The following EEFSEC variants were observed in gnomAD, a reference collection of about 807,000 sequenced individuals.
EEFSEC encodes the protein selenocysteine-specific elongation factor.
EEFSEC carries 43 observed loss-of-function variants against 42.1 expected under a neutral mutation model. The observed-to-expected ratio is 1.02, with a 90% CI of 0.80 to 1.32. EEFSEC has a LOEUF of 1.32. Among genes scored for constraint, EEFSEC ranks in the 40% most tolerant of loss-of-function variants. The pLI, the probability that EEFSEC is intolerant of heterozygous loss-of-function variation, is 0.00. For missense variants in EEFSEC, 745 were observed against 803.6 expected (o/e 0.93, Z 0.88); for synonymous variants, 354 against 339.1 (o/e 1.04, Z -0.48).
At chr3:128,165,233 C>T (rs908864576) in intron 1 of EEFSEC, among the ~76,000 whole-genome samples, 3 of 152,204 alleles carry the variant, frequency 2.0e-5, no homozygotes, top group African/African-American at 7.2e-5. Context: ...GCAGGGCGCA[C>T]AAGTAGCCAG....
the EEFSEC span, among the ~76,000 whole-genome samples, chr3:128,417,194 T>G: frequency 6.6e-6 from 1 of 152,064 alleles, no homozygotes; most frequent in Non-Finnish European, 1.5e-5. This position sits in a 1 kb window ranked among gnomAD's most constrained non-coding sequence, Gnocchi z 4.3. Flanking sequence ...TTAAAACGTG[T>G]CAGGGCCCCT....
chr3:128,282,560 C>G (rs1362823844), intron 4 of EEFSEC, among the ~76,000 whole-genome samples: 3 of 152,214 alleles, frequency 2.0e-5, no homozygotes, highest in Non-Finnish European at 4.4e-5. Context: ...CATGTGCACA[C>G]GCGCACATGC....
chr3:128,188,926 A>T (rs150526969), intron 1 of EEFSEC, among the ~76,000 whole-genome samples: 25 of 152,324 alleles, frequency 1.6e-4, no homozygotes, highest in African/African-American at 5.0e-4. Context: ...AGGATGGTTC[A>T]GCATGGACTG....
Position 128,295,700 on chromosome 3 carries a change from G to T in EEFSEC, c.786+30919G>T, listed in dbSNP as rs1464340169. Among the ~76,000 whole-genome samples, 19 of 150,106 alleles carry T rather than the reference G, an allele frequency of 1.3e-4. 1 individual carries two copies. Among genetic ancestry groups the T allele is most frequent in the Non-Finnish European group, 3.0e-5 (2 of 67,746 alleles). ...TCACGTGGTTCCATGCCTGCTTCCT[G>T]CCAGAGTCCCAAGCAGGTGACCCAG... On this transcript the variant is annotated intron_variant, in intron 4 of 6. Coordinates refer to ENST00000254730, the MANE Select transcript of EEFSEC (RefSeq NM_021937.5).
chr3:128,387,129 G>A (rs2999033), intron 6 of EEFSEC, among the ~76,000 whole-genome samples: 17,408 of 152,140 alleles, frequency 0.11, 1,191 homozygotes, highest in South Asian at 0.21. Context: ...CACCCTCCTC[G>A]GCCCTGTGCT....
At chr3:128,268,000 C>T (rs778596056) in intron 4 of EEFSEC, among the ~76,000 whole-genome samples, 1 of 152,188 alleles carries the variant, frequency 6.6e-6, no homozygotes, top group Non-Finnish European at 1.5e-5. Flanking sequence ...GCTGATAGAA[C>T]AACTCAGCTA....
chr3:128,233,166 G>A (rs1265812330), intron 1 of EEFSEC, among the ~76,000 whole-genome samples: 3 of 152,104 alleles, frequency 2.0e-5, no homozygotes, highest in African/African-American at 4.8e-5. Context: ...ACCCCTTTTC[G>A]GCAGAGTGAG....
intron 1 of EEFSEC, among the ~76,000 whole-genome samples, chr3:128,236,284 A>G (rs1360490937): frequency 6.6e-6 from 1 of 152,236 alleles, no homozygotes; most frequent in Non-Finnish European, 1.5e-5. Flanking sequence ...CAAGAGTGTT[A>G]CCAAATGTTT....
intron 4 of EEFSEC, among the ~76,000 whole-genome samples, chr3:128,309,749 G>A (rs1448927613): frequency 6.6e-6 from 1 of 152,186 alleles, no homozygotes; most frequent in African/African-American, 2.4e-5. Context: ...TCCTTCAGGT[G>A]TGGAGCTTCT....
chr3:128,227,405 G>A (rs1254334114), intron 1 of EEFSEC, among the ~76,000 whole-genome samples: 1 of 152,066 alleles, frequency 6.6e-6, no homozygotes, highest in African/African-American at 2.4e-5. Flanking sequence ...GTGCCCTCAG[G>A]ACACTTCATG....
At chr3:128,236,977 T>C (rs918478014) in intron 1 of EEFSEC, among the ~76,000 whole-genome samples, 1 of 152,258 alleles carries the variant, frequency 6.6e-6, no homozygotes, top group Non-Finnish European at 1.5e-5. Flanking sequence ...GTAGGGACTG[T>C]TGTCTGTCTG....
chr3:128,376,313 C>T lies in EEFSEC; in HGVS notation c.1600+17940C>T, dbSNP rs558600063. Among the ~76,000 whole-genome samples, 9 of 152,328 alleles carry T rather than the reference C, an allele frequency of 5.9e-5. No homozygotes were observed. In the South Asian group the frequency reaches 1.7e-3, roughly 28 times the overall value. On this transcript the variant is annotated intron_variant, in intron 6 of 6. Coordinates refer to ENST00000254730, the MANE Select transcript of EEFSEC (RefSeq NM_021937.5). ...GGAAACAGCAGGTGTTTGCTGCAAGCAGGAATGCCCACTGTGCTTGGGCTT... is the reference window on the plus strand; with the variant it reads ...GGAAACAGCAGGTGTTTGCTGCAAGTAGGAATGCCCACTGTGCTTGGGCTT...
chr3:128,385,862 G>A (rs575765335), intron 6 of EEFSEC, among the ~76,000 whole-genome samples: 1 of 152,356 alleles, frequency 6.6e-6, no homozygotes, highest in South Asian at 2.1e-4. Flanking sequence ...ACAGTCCAAG[G>A]AGGCCTGGTT....
At chr3:128,314,431 C>T (rs1458592867) in intron 4 of EEFSEC, among the ~76,000 whole-genome samples, 1 of 152,178 alleles carries the variant, frequency 6.6e-6, no homozygotes, top group Non-Finnish European at 1.5e-5. Context: ...GCAACCTCCG[C>T]CTCCCAGGTT....
chr3:128,164,716 G>A (rs2065227432), intron 1 of EEFSEC, among the ~76,000 whole-genome samples: 1 of 152,168 alleles, frequency 6.6e-6, no homozygotes, highest in African/African-American at 2.4e-5. Context: ...CAAAGGGAGG[G>A]CTGGAGTGTG....
downstream of EEFSEC, among the ~76,000 whole-genome samples, chr3:128,412,972 A>G (rs1032771554): frequency 6.6e-6 from 1 of 152,132 alleles, no homozygotes; most frequent in African/African-American, 2.4e-5. Context: ...GAGCCCCACA[A>G]GGGCACAGGC....
At chr3:128,208,432 G>A (rs996348178) in intron 1 of EEFSEC, among the ~76,000 whole-genome samples, 1 of 152,184 alleles carries the variant, frequency 6.6e-6, no homozygotes, top group African/African-American at 2.4e-5. Context: ...ATAGTCTAGA[G>A]GGAGAGACTT....
intron 5 of EEFSEC, among the ~76,000 whole-genome samples, chr3:128,345,950 G>A (rs942628554): frequency 5.9e-5 from 9 of 152,058 alleles, no homozygotes; most frequent in African/African-American, 2.2e-4. Context: ...GGCTAGTAGT[G>A]AACAGTAAAT....
chr3:128,390,699 A>G (rs2067898173), intron 6 of EEFSEC, among the ~76,000 whole-genome samples: 2 of 152,156 alleles, frequency 1.3e-5, no homozygotes, highest in Non-Finnish European at 2.9e-5. Context: ...AGGCAGCCAG[A>G]GGGCCCCTGC....
Sources: gnomAD v4.1 joint callset for allele counts (sites outside exome capture counted in the v4.1 genomes callset) on GRCh38, gnomAD v4.1.1 for gene constraint, Gnocchi (gnomAD v3.1) non-coding constraint, MANE v1.5 for transcripts, NCBI Gene and HGNC (gene_info 2026-07-23, HGNC 2026-07-21) for gene names.